The following ITPK1 variants were observed in gnomAD, a reference collection of about 807,000 sequenced individuals.
ITPK1 encodes inositol-tetrakisphosphate 1-kinase, also known as inositol 1,3,4-trisphosphate 5/6-kinase.
In ITPK1, 21 loss-of-function variants were observed where a neutral mutation model predicts 45.3. That is an observed-to-expected ratio of 0.46 (90% CI 0.33 to 0.67). The LOEUF (loss-of-function observed/expected upper bound fraction) is 0.67. Among genes scored for constraint, ITPK1 ranks in the 30% least tolerant of loss-of-function variants. ITPK1 has a pLI of 0.02. For synonymous variants in ITPK1, 258 were observed against 253.6 expected (o/e 1.02, Z -0.16); for missense variants, 474 against 573.5 (o/e 0.83, Z 1.77).
chr14:93,045,761 C>T (rs1181330371), intron 3 of ITPK1, among the ~76,000 whole-genome samples: 1 of 149,550 alleles, frequency 6.7e-6, no homozygotes, highest in African/African-American at 2.5e-5. Flanking sequence ...CTAATTCAGA[C>T]TTTTTTTTTT....
chr14:92,994,655 G>A (rs1886959741), intron 4 of ITPK1, among the ~76,000 whole-genome samples: 1 of 152,168 alleles, frequency 6.6e-6, no homozygotes, highest in Admixed American at 6.5e-5. Context: ...CGCCACCCAG[G>A]TGGGCCAGAC....
Position 92,940,525 on chromosome 14 carries a change from G to A in ITPK1, c.*1036C>T, listed in dbSNP as rs921737702. The A allele has an allele frequency of 1.7e-5, 20 of 1,168,488 alleles. No individual in the cohort carries two copies. The highest frequency in any genetic ancestry group is 1.1e-4 in the African/African-American group (7 of 61,598). The allele number at this position is 1,168,488 out of a possible 1,614,324, so 72.4% of individuals were successfully genotyped here. ...GAGAGGTGGACCAGGCCTGCTGGGT[G>A]AGGAGGGACCCAGCAGGTGTGAAAA... On this transcript the variant is annotated 3_prime_UTR_variant, in exon 11 of 11. Coordinates refer to ENST00000267615, the MANE Select transcript of ITPK1 (RefSeq NM_014216.6).
At chr14:92,960,348 T>G (rs1885004330) in intron 7 of ITPK1, among the ~76,000 whole-genome samples, 1 of 152,024 alleles carries the variant, frequency 6.6e-6, no homozygotes, top group Non-Finnish European at 1.5e-5. Flanking sequence ...AGAACCCCCA[T>G]CCCCTTCAGC....
At position 92,938,795 on chromosome 14, in the gene ITPK1, T is replaced by C. The variant is rs1595065761; in HGVS notation, c.*2766A>G. 2 of 583,700 alleles carry C rather than the reference T, an allele frequency of 3.4e-6. No homozygotes were observed. Among genetic ancestry groups the C allele is most frequent in the Admixed American group, 3.1e-5 (1 of 32,672 alleles). The allele number at this position is 583,700 out of a possible 1,614,324, so 36.2% of individuals were successfully genotyped here. On this transcript the variant is annotated 3_prime_UTR_variant, in exon 11 of 11. Coordinates refer to ENST00000267615, the MANE Select transcript of ITPK1 (RefSeq NM_014216.6). ...GGGACACCCAGCAGCTGGCACTCAG[T>C]TGGGGGGTTATGTTTGCAGAATCAC...
chr14:92,966,022 G>A (rs56258011), intron 5 of ITPK1, among the ~76,000 whole-genome samples: 52,355 of 152,078 alleles, frequency 0.34, 10,208 homozygotes, highest in East Asian at 0.53. Flanking sequence ...AGAAAATTAT[G>A]TATGTGTATT....
rs557895998 is a variant in ITPK1 at position 93,093,070 on chromosome 14, C to T, written c.96-16451G>A. Among the ~76,000 whole-genome samples the T allele has an allele frequency of 2.9e-4, 44 of 152,340 alleles. 1 individual carries two copies. Among genetic ancestry groups the T allele is most frequent in the African/African-American group, 8.9e-4 (37 of 41,562 alleles). On this transcript the variant is annotated intron_variant, in intron 2 of 10. Transcript: ENST00000267615. ...TCTCCATACACTCATTACCACATGA[C>T]CCCTCATGACCAGGATGGCTACTCA...
rs1887221431 is a variant in ITPK1, at chr14:92,938,708, C to A, written c.*2853G>T. 1.6e-6 allele frequency: 1 copy of A among 615,976 alleles called. No individual in the cohort carries two copies. Among genetic ancestry groups the A allele is most frequent in the South Asian group, 1.9e-5 (1 of 51,632 alleles). The allele number at this position is 615,976 out of a possible 1,614,324, so 38.2% of individuals were successfully genotyped here. ...CACCCACCACGTGTGGACCCAGACA[C>A]CTCCATGACACCAAGGGCAAAGCAC... On this transcript the variant is annotated 3_prime_UTR_variant, in exon 11 of 11. Transcript: ENST00000267615.
intron 2 of ITPK1, among the ~76,000 whole-genome samples, chr14:93,094,241 G>A (rs991741933): frequency 1.3e-5 from 2 of 152,248 alleles, no homozygotes; most frequent in Admixed American, 6.5e-5. Flanking sequence ...ACAGACACTG[G>A]CAGGTGGCTG....
At chr14:93,100,125 T>C (rs1892249241) in intron 2 of ITPK1, among the ~76,000 whole-genome samples, 1 of 152,198 alleles carries the variant, frequency 6.6e-6, no homozygotes, top group South Asian at 2.1e-4. Context: ...TAGAAGGGAA[T>C]GAGGCGCTGC....
Position 92,941,390 on chromosome 14 carries a change from T to C in ITPK1, c.*171A>G. 4 of 1,417,254 alleles carry C rather than the reference T, an allele frequency of 2.8e-6. No homozygotes were observed. The highest frequency in any genetic ancestry group is 3.7e-6 in the Non-Finnish European group (4 of 1,093,240). The allele number at this position is 1,417,254 out of a possible 1,614,324, so 87.8% of individuals were successfully genotyped here. ...GTGGACCACCTGGTACTCTCTTCCATCCCCCACTACCCCTCATTTAGATCA... is the reference window on the plus strand; with the variant it reads ...GTGGACCACCTGGTACTCTCTTCCACCCCCCACTACCCCTCATTTAGATCA... On this transcript the variant is annotated 3_prime_UTR_variant, in exon 11 of 11. Coordinates refer to ENST00000267615, the MANE Select transcript of ITPK1 (RefSeq NM_014216.6).
rs115735304 is a variant in ITPK1, at chr14:93,058,423, C to T, written c.120+18172G>A. ...TCGCAACACAGGGGTGGAGGGGGTG[C>T]GGGTCACGAGGCAGGGGTTGAGGGG... On this transcript the variant is annotated intron_variant, in intron 3 of 10. Transcript: ENST00000267615. Among the ~76,000 whole-genome samples, 349 of 43,036 alleles carry T rather than the reference C, an allele frequency of 8.1e-3. 10 individuals are homozygous for T. The highest frequency in any genetic ancestry group is 0.032 in the African/African-American group (326 of 10,236). 28.2% of individuals were successfully genotyped at this position (43,036 alleles called of 152,430 possible). A position where few individuals can be genotyped will look rare whatever the true frequency, so the allele number is the denominator to read the frequency against.
At chr14:93,083,151 C>A (rs185320612) in intron 2 of ITPK1, among the ~76,000 whole-genome samples, 2 of 152,118 alleles carry the variant, frequency 1.3e-5, no homozygotes, top group African/African-American at 4.8e-5. Context: ...GACACGTCCA[C>A]GGCATCCACG....
At chr14:92,971,725 G>A (rs1885663084) in intron 5 of ITPK1, among the ~76,000 whole-genome samples, 1 of 152,218 alleles carries the variant, frequency 6.6e-6, no homozygotes, top group Admixed American at 6.5e-5. Flanking sequence ...TGCCATGACT[G>A]GGACCGCCAA....
At chr14:92,991,150 C>T (rs1049686691) in intron 5 of ITPK1, among the ~76,000 whole-genome samples, 1 of 152,264 alleles carries the variant, frequency 6.6e-6, no homozygotes, top group South Asian at 2.1e-4. Flanking sequence ...ATTTACAGTA[C>T]GCCTGAAAGG....
chr14:92,972,229 C>T (rs1885698028), intron 5 of ITPK1, among the ~76,000 whole-genome samples: 3 of 152,238 alleles, frequency 2.0e-5, no homozygotes, highest in African/African-American at 7.2e-5. Context: ...GGGCTGAGCG[C>T]TGTTTCCAAG....
At chr14:93,065,795 ACT>A (rs1207756839) in intron 3 of ITPK1, among the ~76,000 whole-genome samples, 1 of 152,126 alleles carries the variant, frequency 6.6e-6, no homozygotes, top group Non-Finnish European at 1.5e-5. Flanking sequence ...AGAACTTGAG[ACT>A]CTGGAGCAGA....
intron 3 of ITPK1, among the ~76,000 whole-genome samples, chr14:93,027,414 T>C (rs941696098): frequency 1.3e-5 from 2 of 152,156 alleles, no homozygotes; most frequent in Non-Finnish European, 2.9e-5. Context: ...GCACTTCACA[T>C]GAACTATCTC....
chr14:92,971,292 T>C (rs1377520143), intron 5 of ITPK1, among the ~76,000 whole-genome samples: 1 of 152,220 alleles, frequency 6.6e-6, no homozygotes, highest in Non-Finnish European at 1.5e-5. Flanking sequence ...CAAGAAATTT[T>C]GCTTTGTTTT....
chr14:92,985,104 C>A (rs1412889785), intron 5 of ITPK1, among the ~76,000 whole-genome samples: 2 of 152,004 alleles, frequency 1.3e-5, no homozygotes, highest in African/African-American at 4.8e-5. Flanking sequence ...AAATGTATGA[C>A]CTTGACCCAG....
Sources: gnomAD v4.1 joint callset for allele counts (sites outside exome capture counted in the v4.1 genomes callset) on GRCh38, gnomAD v4.1.1 for gene constraint, MANE v1.5 for transcripts, NCBI Gene and HGNC (gene_info 2026-07-23, HGNC 2026-07-21) for gene names.